Variants in NTRK1 observed in about 807,000 individuals in gnomAD.
The protein encoded by NTRK1 is high affinity nerve growth factor receptor.
Under a neutral mutation model 86.8 loss-of-function variants are expected in NTRK1, and 62 were observed. That is an observed-to-expected ratio of 0.71 (90% CI 0.58 to 0.88). The LOEUF (loss-of-function observed/expected upper bound fraction) is 0.88, where lower values mean the gene tolerates loss of function less well. Among genes scored for constraint, NTRK1 ranks in the 40% least tolerant of loss-of-function variants. NTRK1 has a pLI of 0.00. For synonymous variants in NTRK1, 469 were observed against 456.6 expected (o/e 1.03, Z -0.35); for missense variants, 967 against 1,078.4 (o/e 0.90, Z 1.45).
chr1:156,881,530 T>G lies in NTRK1; in HGVS notation c.2279T>G (p.Met760Arg), dbSNP rs2102931006. Residue 760 changes from methionine (M) to arginine (R), a missense_variant, in exon 17 of 17, where the codon ATG (methionine) becomes AGG (arginine). Met to Arg is a moderately conservative substitution (Grantham distance 91, BLOSUM62 -1). This residue lies in a region of NTRK1 where 637 missense variants were observed against 776.5 expected (regional missense o/e 0.82). Transcript: ENST00000524377. ...RACPPEVYAI[M>R]RGCWQREPQQ... ...TGCCCACCAGAGGTCTACGCCATCA[T>G]GCGGGGCTGCTGGCAGCGGGAGCCC... 1.2e-6 allele frequency: 2 copies of G among 1,603,162 alleles called. No homozygotes were observed. Among genetic ancestry groups the G allele is most frequent in the Non-Finnish European group, 1.7e-6 (2 of 1,175,238 alleles).
In NTRK1 at chr1:156,854,273, A is replaced by G; in HGVS notation, c.51-10081A>G. The G allele has an allele frequency of 1.2e-6, 2 of 1,612,874 alleles. No individual in the cohort carries two copies. The highest frequency in any genetic ancestry group is 1.7e-6 in the Non-Finnish European group (2 of 1,179,628). On this transcript the variant is annotated intron_variant, in intron 2 of 16. Transcript: ENST00000392302. This position sits in a 1 kb window ranked among gnomAD's most constrained non-coding sequence, Gnocchi z 4.2. ...GTTCTCCAGCTGACGAAGCTCTGCC[A>G]CCTCTGAGCGAATATCCAGGCTGGG...
At chr1:156,842,518 A>C in intron 2 of NTRK1, 1 of 1,607,902 alleles carries the variant, frequency 6.2e-7, no homozygotes, top group South Asian at 1.1e-5. Flanking sequence ...CCTGGGACAG[A>C]CAAAGGGCCT....
Position 156,875,664 on chromosome 1 carries a change from C to T in NTRK1, c.1499C>T (p.Ala500Val), listed in dbSNP as rs1647858360. 4.3e-6 allele frequency: 7 copies of T among 1,609,628 alleles called. No homozygotes were observed. The highest frequency in any genetic ancestry group is 1.1e-5 in the South Asian group (1 of 90,924). ...IIENPQYFSD[A>V]CVHHIKRRDI... is the part of the protein sequence containing the mutation. ...GAGAACCCACAATACTTCAGTGATG[C>T]CTGTGAGGGGCTATGCTGGGTCAAG... Residue 500 changes from alanine (A) to valine (V), a missense_variant and splice_region_variant, in exon 12 of 17, where the codon GCC becomes GTC. By Grantham distance (64) the Ala-to-Val change is moderately conservative. Coordinates refer to ENST00000524377, the MANE Select transcript of NTRK1 (RefSeq NM_002529.4).
intron 1 of NTRK1, among the ~76,000 whole-genome samples, chr1:156,830,550 C>CT (rs5778003): frequency 0.039 from 4,119 of 105,202 alleles, 205 homozygotes; most frequent in African/African-American, 0.1. Context: ...TTGTGGGATT[C>CT]TTTTTTTTTT....
Position 156,864,802 on chromosome 1 carries a change from G to A in NTRK1, c.359+3G>A, listed in dbSNP as rs796488978. The A allele has an allele frequency of 6.2e-7, 1 of 1,613,036 alleles. No individual in the cohort carries two copies. The highest frequency in any genetic ancestry group is 2.2e-5 in the East Asian group (1 of 44,850). On this transcript the variant is annotated splice_donor_region_variant and intron_variant, in intron 3 of 16. Transcript: ENST00000524377. ...TTCACTCCTCGGCTCAGTCGCCTGT[G>A]AGTGTGGCCAGTGCTGGGCAGTGGG...
At chr1:156,869,574 G>A (rs1266151500) in intron 6 of NTRK1, among the ~76,000 whole-genome samples, 1 of 152,116 alleles carries the variant, frequency 6.6e-6, no homozygotes, top group Non-Finnish European at 1.5e-5. Context: ...AATTAATTCT[G>A]GGAATGACTT....
chr1:156,857,099 TACTTC>T (rs144273908), upstream of NTRK1, among the ~76,000 whole-genome samples: 651 of 151,786 alleles, frequency 4.3e-3, 5 homozygotes, highest in African/African-American at 0.015. Flanking sequence ...CCCTGGGGGT[TACTTC>T]ACATCTTCTC....
chr1:156,828,780 T>C (rs1025317295), intron 1 of NTRK1, among the ~76,000 whole-genome samples: 1 of 152,210 alleles, frequency 6.6e-6, no homozygotes, highest in Non-Finnish European at 1.5e-5. Context: ...CCGGAAGCCC[T>C]CTGAGCCTCA....
chr1:156,860,946 C>T lies in NTRK1; in HGVS notation c.12C>T (p.Gly4=), dbSNP rs757229319. ...CGGGCGCCGCCGCGATGCTGCGAGG[C>T]GGACGGCGCGGGCAGCTTGGCTGGC... MLR[G]GRRGQLGWHS... Residue 4 remains glycine, a synonymous_variant, in exon 1 of 17, where the codon GGC becomes GGT. Coordinates refer to ENST00000524377, the MANE Select transcript of NTRK1 (RefSeq NM_002529.4). 4 of 1,492,344 alleles carry T rather than the reference C, an allele frequency of 2.7e-6. No homozygotes were observed. Among genetic ancestry groups the T allele is most frequent in the Non-Finnish European group, 3.5e-6 (4 of 1,129,718 alleles). 92.4% of individuals were successfully genotyped at this position (1,492,344 alleles called of 1,614,324 possible).
rs372329556 is a variant in NTRK1, at chr1:156,844,261, C to T, written c.50+2068C>T. On this transcript the variant is annotated intron_variant, in intron 2 of 16. Transcript: ENST00000392302. ...GGGTGGCAGTGAGGAGGACATGCAG[C>T]CCCCCAGCATCCTCCTCCTCTGGCA... 49 of 1,612,890 alleles carry T rather than the reference C, an allele frequency of 3.0e-5. No homozygotes were observed. The South Asian group carries it at 3.8e-4, about 13-fold the overall frequency.
At chr1:156,827,081 C>T (rs936284793) in intron 1 of NTRK1, among the ~76,000 whole-genome samples, 9 of 151,884 alleles carry the variant, frequency 5.9e-5, no homozygotes, top group African/African-American at 2.2e-4. Context: ...TTAACTTTTT[C>T]TTTATTTCTT....
chr1:156,858,548 T>A (rs1279791585), upstream of NTRK1: 1 of 1,613,658 alleles, frequency 6.2e-7, no homozygotes. Flanking sequence ...CTCTACTGTA[T>A]CCAGGCCAAA....
At chr1:156,875,369 C>T (rs1398706239) in intron 11 of NTRK1, 151 bp from the exon 12 acceptor site, 5 of 1,045,598 alleles carry the variant, frequency 4.8e-6, no homozygotes, top group Non-Finnish European at 7.3e-6. Flanking sequence ...GGCGGTGGTG[C>T]CCCCTTCCCC....
intron 1 of NTRK1, among the ~76,000 whole-genome samples, chr1:156,822,827 C>G (rs1402416586): frequency 6.6e-6 from 1 of 151,948 alleles, no homozygotes; most frequent in Non-Finnish European, 1.5e-5. Context: ...GGTAGCAGCC[C>G]ATTAACAGTC....
At chr1:156,867,797 C>T (rs1031333332) in intron 4 of NTRK1, among the ~76,000 whole-genome samples, 7 of 152,142 alleles carry the variant, frequency 4.6e-5, no homozygotes, top group Non-Finnish European at 1.0e-4. Context: ...CCTCAGCCTC[C>T]TGAGTAGGTG....
At chr1:156,865,562 C>T (rs41405748) in intron 3 of NTRK1, among the ~76,000 whole-genome samples, 10 of 152,160 alleles carry the variant, frequency 6.6e-5, no homozygotes, top group African/African-American at 2.2e-4. Context: ...TGTTTATAGC[C>T]CCTCTTCCTT....
intron 1 of NTRK1, among the ~76,000 whole-genome samples, chr1:156,839,708 G>C (rs1364221624): frequency 6.6e-6 from 1 of 152,138 alleles, no homozygotes; most frequent in Non-Finnish European, 1.5e-5. Flanking sequence ...TCTGTCCTAT[G>C]ACACTCCAGA....
Position 156,874,898 on chromosome 1 carries a change from CCCA to C in NTRK1, c.1252-4_1252-2del. 1 of 1,599,412 alleles carries C rather than the reference CCCA, an allele frequency of 6.3e-7. No homozygotes were observed. Among genetic ancestry groups the C allele is most frequent in the South Asian group, 1.1e-5 (1 of 90,792 alleles). On this transcript the variant is annotated splice_region_variant and splice_polypyrimidine_tract_variant and intron_variant, in intron 10 of 16. Coordinates refer to ENST00000524377, the MANE Select transcript of NTRK1 (RefSeq NM_002529.4). Reference sequence around the variant, plus strand: ...CCCCTGGATCTAACTACCCCTGTCCCCCACCAGGTCTCGGTGGCTGTGGGCCTG... The same window carrying C: ...CCCCTGGATCTAACTACCCCTGTCCCCCAGGTCTCGGTGGCTGTGGGCCTG...
At chr1:156,830,524 C>T (rs1654440154) in intron 1 of NTRK1, among the ~76,000 whole-genome samples, 1 of 150,580 alleles carries the variant, frequency 6.6e-6, no homozygotes, top group African/African-American at 2.5e-5. Context: ...GGAAGAACAC[C>T]TTTCTAGAAG....
Sources: gnomAD v4.1 joint callset for allele counts (sites outside exome capture counted in the v4.1 genomes callset) on GRCh38, gnomAD v4.1.1 for gene constraint, gnomAD v4.1.1 regional missense constraint, Gnocchi (gnomAD v3.1) non-coding constraint, MANE v1.5 for transcripts, NCBI Gene and HGNC (gene_info 2026-07-23, HGNC 2026-07-21) for gene names.